CSMD1: variants seen among roughly 807,000 people sequenced by gnomAD.
CSMD1 encodes the protein CUB and Sushi multiple domains 1.
In CSMD1, 213 loss-of-function variants were observed where a neutral mutation model predicts 417.5. That is an observed-to-expected ratio of 0.51 (90% CI 0.46 to 0.57). The LOEUF is 0.57. Among genes scored for constraint, CSMD1 ranks in the 20% least tolerant of loss-of-function variants. CSMD1 has a pLI of 0.00. For synonymous variants in CSMD1, 2,862 were observed against 1,736.8 expected, an observed-to-expected ratio of 1.65 and a Z score of -16.11; for missense variants, 6,923 against 4,529.7, an observed-to-expected ratio of 1.53 and a Z score of -15.17.
chr8:3,674,106 A>C (rs1199055578), intron 7 of CSMD1, among the ~76,000 whole-genome samples: 1 of 148,584 alleles, frequency 6.7e-6, no homozygotes, highest in Non-Finnish European at 1.5e-5. Context: ...ACTCCCTCTC[A>C]AAAGACAAAA....
At chr8:3,240,672 C>G (rs1799439420) in intron 26 of CSMD1, among the ~76,000 whole-genome samples, 1 of 151,786 alleles carries the variant, frequency 6.6e-6, no homozygotes, top group East Asian at 1.9e-4. Flanking sequence ...ATGAAAGGCG[C>G]AAAGGAATAG....
intron 10 of CSMD1, among the ~76,000 whole-genome samples, chr8:3,518,922 T>G (rs932760628): frequency 3.3e-5 from 5 of 152,218 alleles, no homozygotes; most frequent in Admixed American, 1.3e-4. Context: ...CTGTTGAATC[T>G]CCTCATATTG....
chr8:3,168,451 A>C lies in CSMD1; in HGVS notation c.5726-6174T>G, dbSNP rs534672648. Among the ~76,000 whole-genome samples, 5 of 152,316 alleles carry C rather than the reference A, an allele frequency of 3.3e-5. No individual in the cohort carries two copies. In the South Asian group the frequency reaches 1.0e-3, roughly 32 times the overall value. On this transcript the variant is annotated intron_variant, in intron 37 of 69. Coordinates refer to ENST00000635120, the MANE Select transcript of CSMD1 (RefSeq NM_033225.6). ...CTCTTAATTCGAAAAATCGCATTAAAGTTGAGATAATGTGCTGGAACATAG... is the reference window on the plus strand; with the variant it reads ...CTCTTAATTCGAAAAATCGCATTAACGTTGAGATAATGTGCTGGAACATAG...
intron 3 of CSMD1, among the ~76,000 whole-genome samples, chr8:4,347,932 C>A (rs1031093911): frequency 6.6e-6 from 1 of 151,682 alleles, no homozygotes; most frequent in Non-Finnish European, 1.5e-5. Context: ...AAAATAGGAG[C>A]ACAAAAATAA....
chr8:3,989,399 G>T (rs1049373432), intron 5 of CSMD1, among the ~76,000 whole-genome samples: 6 of 152,138 alleles, frequency 3.9e-5, no homozygotes, highest in African/African-American at 1.2e-4. Context: ...AACGACAGAG[G>T]ACATTGCCCA....
At chr8:3,843,416 AGTTG>A (rs1803261286) in intron 5 of CSMD1, among the ~76,000 whole-genome samples, 1 of 152,180 alleles carries the variant, frequency 6.6e-6, no homozygotes, top group South Asian at 2.1e-4. Flanking sequence ...TTAAAGTCAA[AGTTG>A]GTTTCAGAGT....
chr8:3,272,550 T>C (rs1801944702), intron 26 of CSMD1, among the ~76,000 whole-genome samples: 1 of 138,262 alleles, frequency 7.2e-6, no homozygotes, highest in African/African-American at 2.8e-5. Context: ...ATATTGATTC[T>C]TCCTACCCAT....
At chr8:4,584,511 C>T (rs1224573585) in intron 2 of CSMD1, among the ~76,000 whole-genome samples, 2 of 150,616 alleles carry the variant, frequency 1.3e-5, no homozygotes, top group African/African-American at 2.5e-5. Flanking sequence ...GGCTCTCTAA[C>T]AACCCCCAAC....
intron 7 of CSMD1, among the ~76,000 whole-genome samples, chr8:3,661,878 T>G (rs945743436): frequency 6.6e-6 from 1 of 151,890 alleles, no homozygotes; most frequent in Non-Finnish European, 1.5e-5. Flanking sequence ...GGACGACACA[T>G]AGGATTTGTA....
In CSMD1 at chr8:4,279,758, T is replaced by C. The variant is rs922136375; in HGVS notation, c.415+140195A>G. On this transcript the variant is annotated intron_variant, in intron 3 of 69. Coordinates refer to ENST00000635120, the MANE Select transcript of CSMD1 (RefSeq NM_033225.6). ...CAGCATTTCTAATGAAGAAAAAAAA[T>C]AAAACTCTACGTAAGATATGGAGGA... 4.6e-5 allele frequency among the ~76,000 whole-genome samples: 7 copies of C among 152,256 alleles called. No individual in the cohort carries two copies. In the South Asian group the frequency reaches 8.3e-4, roughly 18 times the overall value.
At chr8:3,379,355 T>C (rs1810495923) in intron 18 of CSMD1, among the ~76,000 whole-genome samples, 1 of 152,210 alleles carries the variant, frequency 6.6e-6, no homozygotes. Context: ...GCTATCCCCA[T>C]CAAGCTACCA....
At chr8:3,978,747 C>A (rs1232468848) in intron 5 of CSMD1, among the ~76,000 whole-genome samples, 1 of 152,094 alleles carries the variant, frequency 6.6e-6, no homozygotes, top group Non-Finnish European at 1.5e-5. Flanking sequence ...CCCCAGCATA[C>A]GACATCAGTG....
intron 7 of CSMD1, among the ~76,000 whole-genome samples, chr8:3,629,547 C>T (rs146802188): frequency 4.9e-4 from 75 of 152,240 alleles, no homozygotes; most frequent in African/African-American, 1.6e-3. Flanking sequence ...ATCTTTTTCT[C>T]CTGTAAACAG....
intron 3 of CSMD1, among the ~76,000 whole-genome samples, chr8:4,055,785 TCAG>T (rs1798659727): frequency 6.6e-6 from 1 of 152,142 alleles, no homozygotes. Context: ...ACAAGACTCT[TCAG>T]CACTTCAAAT....
At chr8:4,402,417 G>T (rs917634143) in intron 3 of CSMD1, among the ~76,000 whole-genome samples, 4 of 151,932 alleles carry the variant, frequency 2.6e-5, no homozygotes, top group African/African-American at 9.7e-5. Flanking sequence ...TTACTGCTGC[G>T]TTCCTGCAGC....
chr8:4,822,177 A>T (rs902780924), intron 1 of CSMD1, among the ~76,000 whole-genome samples: 1 of 152,114 alleles, frequency 6.6e-6, no homozygotes, highest in Non-Finnish European at 1.5e-5. Flanking sequence ...GTGACTGTGC[A>T]TTCCAGCAAA....
chr8:3,036,708 G>C (rs1810698668), intron 50 of CSMD1, among the ~76,000 whole-genome samples: 1 of 152,076 alleles, frequency 6.6e-6, no homozygotes, highest in Non-Finnish European at 1.5e-5. Context: ...GGAAAACTAG[G>C]ATACTAAGAC....
chr8:4,057,098 G>C (rs1341047847), intron 3 of CSMD1, among the ~76,000 whole-genome samples: 1 of 152,168 alleles, frequency 6.6e-6, no homozygotes, highest in African/African-American at 2.4e-5. Context: ...CTAGATCCCT[G>C]AGGAATCGCC....
At chr8:2,998,465 C>G (rs1807108710) in intron 53 of CSMD1, among the ~76,000 whole-genome samples, 1 of 152,132 alleles carries the variant, frequency 6.6e-6, no homozygotes, top group African/African-American at 2.4e-5. Flanking sequence ...TGAATCATGA[C>G]AGAATACCAA....
Sources: allele counts gnomAD v4.1 joint callset (sites outside exome capture counted in the v4.1 genomes callset), GRCh38; gene constraint gnomAD v4.1.1; transcripts MANE v1.5; gene names NCBI Gene and HGNC (gene_info 2026-07-23, HGNC 2026-07-21).